The following WDR19 variants were observed in gnomAD, a reference collection of about 807,000 sequenced individuals.
The protein encoded by WDR19 is WD repeat-containing protein 19.
WDR19 carries 121 observed loss-of-function variants against 180.0 expected under a neutral mutation model. The observed-to-expected ratio is 0.67, with a 90% CI of 0.58 to 0.78. WDR19 has a LOEUF of 0.78. Ranked by LOEUF, WDR19 falls within the 30% of genes least tolerant of loss-of-function variation. The pLI is 0.00. For synonymous variants in WDR19, 497 were observed against 540.7 expected, an observed-to-expected ratio of 0.92 and a Z score of 1.12; for missense variants, 1,450 against 1,640.7, an observed-to-expected ratio of 0.88 and a Z score of 2.01.
chr4:39,232,776 C>T (rs537120639), intron 19 of WDR19, among the ~76,000 whole-genome samples: 53 of 152,070 alleles, frequency 3.5e-4, no homozygotes, highest in African/African-American at 1.2e-3. Context: ...AATTTCTCAG[C>T]ACAGACACTA....
At chr4:39,244,139 A>G (rs2109405311) in intron 21 of WDR19, 109 bp from the exon 22 acceptor site, 2 of 1,283,756 alleles carry the variant, frequency 1.6e-6, no homozygotes, top group East Asian at 2.5e-5. Flanking sequence ...AAAAGATAAA[A>G]GTAAACCATA....
At chr4:39,202,425 T>A (rs1727463024) in intron 6 of WDR19, among the ~76,000 whole-genome samples, 1 of 152,056 alleles carries the variant, frequency 6.6e-6, no homozygotes, top group African/African-American at 2.4e-5. Flanking sequence ...ATGAAAAAAA[T>A]TTCAAAGTTA....
rs189002528 is a variant in WDR19 at position 39,212,694 on chromosome 4, C to T, written c.891-1907C>T. On this transcript the variant is annotated intron_variant, in intron 9 of 36. Coordinates refer to ENST00000399820, the MANE Select transcript of WDR19 (RefSeq NM_025132.4). ...AAAATGAGAAAATATTTGCAAACCA[C>T]GTATCCAACAAAGGGCTAGTATCTA... Among the ~76,000 whole-genome samples, 445 of 152,182 alleles carry T rather than the reference C, an allele frequency of 2.9e-3. 4 individuals carry two copies. The highest frequency in any genetic ancestry group is 5.7e-4 in the Non-Finnish European group (39 of 68,002).
At chr4:39,218,949 A>C (rs1272767894) in intron 14 of WDR19, 2 of 152,178 alleles carry the variant, frequency 1.3e-5, no homozygotes, top group Non-Finnish European at 1.5e-5. Flanking sequence ...TAGCATCAGG[A>C]TCATCAGTAT....
At position 39,185,090 on chromosome 4, in the gene WDR19, A is replaced by G. The variant is rs531923643; in HGVS notation, c.7-636A>G. 2.0e-5 allele frequency among the ~76,000 whole-genome samples: 3 copies of G among 152,350 alleles called. No homozygotes were observed. In the South Asian group the frequency reaches 6.2e-4, roughly 32 times the overall value. On this transcript the variant is annotated intron_variant, in intron 1 of 36. Transcript: ENST00000399820. ...TACATTTTATATTTACAGCACAGCT[A>G]GGTTGGGATTACTTATATTCCAAGT...
intron 17 of WDR19, among the ~76,000 whole-genome samples, chr4:39,231,315 C>CA (rs56002679): frequency 0.071 from 6,118 of 86,756 alleles, 537 homozygotes; most frequent in African/African-American, 0.21. Context: ...ACTCCGTCTT[C>CA]AAAAAAAAAA....
At chr4:39,203,926 G>A (rs186866945) in intron 7 of WDR19, among the ~76,000 whole-genome samples, 38 of 152,314 alleles carry the variant, frequency 2.5e-4, no homozygotes, top group African/African-American at 9.1e-4. Flanking sequence ...AATGAGGACA[G>A]CTTTCTGTTA....
In WDR19 at chr4:39,269,962, C is replaced by T; in HGVS notation, c.3359-14C>T. On this transcript the variant is annotated splice_polypyrimidine_tract_variant and intron_variant, in intron 30 of 36. Coordinates refer to ENST00000399820, the MANE Select transcript of WDR19 (RefSeq NM_025132.4). The stretch of plus-strand genomic sequence containing the variant: ...ACCCTTTGCAGTAATGTCGTTTTAC[C>T]ACCTTTTTTCAAGGCAACTACCGGA... 1 of 1,612,394 alleles carries T rather than the reference C, an allele frequency of 6.2e-7. No homozygotes were observed. The highest frequency in any genetic ancestry group is 1.3e-5 in the African/African-American group (1 of 74,934).
At chr4:39,283,032 G>T (rs6531705) in intron 36 of WDR19, among the ~76,000 whole-genome samples, 142,726 of 152,236 alleles carry the variant, frequency 0.94, 67,540 homozygotes, top group East Asian at 1. Context: ...TTGTATAATA[G>T]TAGAGTCAAC....
At chr4:39,212,144 A>G (rs1487998836) in intron 9 of WDR19, among the ~76,000 whole-genome samples, 4 of 152,240 alleles carry the variant, frequency 2.6e-5, no homozygotes, top group African/African-American at 4.8e-5. Flanking sequence ...ATATCAATCA[A>G]TGGAACAGAA....
At chr4:39,249,714 C>T (rs1299838007) in intron 24 of WDR19, among the ~76,000 whole-genome samples, 2 of 152,184 alleles carry the variant, frequency 1.3e-5, no homozygotes, top group Non-Finnish European at 2.9e-5. Context: ...ATACTATAAA[C>T]ACCTTTACAC....
Position 39,253,004 on chromosome 4 carries a change from T to C in WDR19, c.2730-142T>C, listed in dbSNP as rs1292061017. 6.7e-6 allele frequency: 5 copies of C among 748,660 alleles called. No homozygotes were observed. In the African/African-American group the frequency reaches 7.3e-5, roughly 11 times the overall value. The allele number at this position is 748,660 out of a possible 1,614,324, so 46.4% of individuals were successfully genotyped here. A position where few individuals can be genotyped will look rare whatever the true frequency, so the allele number is the denominator to read the frequency against. ...CATTTTAGTGGGATGGTTCCTGGTA[T>C]TTTTCTGATAAAGGAAAAAGAAGTT... On this transcript the variant is annotated intron_variant, in intron 24 of 36. Coordinates refer to ENST00000399820, the MANE Select transcript of WDR19 (RefSeq NM_025132.4).
chr4:39,251,546 A>G (rs1194074462), intron 24 of WDR19, among the ~76,000 whole-genome samples: 1 of 152,212 alleles, frequency 6.6e-6, no homozygotes, highest in East Asian at 1.9e-4. Flanking sequence ...CTGCACAGCA[A>G]AAGAAACCAA....
Position 39,228,630 on chromosome 4 carries a change from TAAA to T in WDR19, c.1924_1926del (p.Lys642del). 2 of 1,613,264 alleles carry T rather than the reference TAAA, an allele frequency of 1.2e-6. No individual in the cohort carries two copies. The highest frequency in any genetic ancestry group is 1.7e-6 in the Non-Finnish European group (2 of 1,179,522). Reference sequence around the variant, plus strand: ...AGCACCCATGGCTTTCTCAGCAACTTAAAAGATACGGGGCCTGACGAACTGAGA... The same window carrying T: ...AGCACCCATGGCTTTCTCAGCAACTTAGATACGGGGCCTGACGAACTGAGA... On this transcript the variant is annotated inframe_deletion, in exon 17 of 37. Coordinates refer to ENST00000399820, the MANE Select transcript of WDR19 (RefSeq NM_025132.4).
chr4:39,229,856 A>G (rs11931354), intron 17 of WDR19, among the ~76,000 whole-genome samples: 52,203 of 151,986 alleles, frequency 0.34, 9,401 homozygotes, highest in African/African-American at 0.45. Flanking sequence ...TGAACTCATC[A>G]ATTTCCACAG....
At chr4:39,216,237 T>C in intron 12 of WDR19, 27 bp downstream of exon 12, 1 of 1,502,282 alleles carries the variant, frequency 6.7e-7, no homozygotes, top group Middle Eastern at 1.7e-4. Context: ...TTGTTTATTC[T>C]TATCTAGCAC....
intron 25 of WDR19, 25 bp from the exon 26 acceptor site, chr4:39,253,881 A>T: frequency 6.4e-7 from 1 of 1,567,448 alleles, no homozygotes. Flanking sequence ...TTAAGAGTCT[A>T]GCTAATTAAA....
chr4:39,234,394 C>T (rs1731170600), intron 19 of WDR19, among the ~76,000 whole-genome samples: 1 of 152,164 alleles, frequency 6.6e-6, no homozygotes, highest in African/African-American at 2.4e-5. Flanking sequence ...TTTAGAATCA[C>T]TACCTTCTAA....
intron 6 of WDR19, 50 bp downstream of exon 6, chr4:39,199,643 A>G: frequency 1.4e-6 from 2 of 1,441,598 alleles, no homozygotes; most frequent in Non-Finnish European, 1.9e-6. Context: ...TTTCCCCCCA[A>G]ATAAATAGTT....
Sources: allele counts gnomAD v4.1 joint callset (sites outside exome capture counted in the v4.1 genomes callset), GRCh38; gene constraint gnomAD v4.1.1; transcripts MANE v1.5; gene names NCBI Gene and HGNC (gene_info 2026-07-23, HGNC 2026-07-21).